The following SOS1 variants were observed in gnomAD, a reference collection of about 807,000 sequenced individuals.
The protein encoded by SOS1 is son of sevenless homolog 1.
SOS1 carries 25 observed loss-of-function variants against 157.6 expected under a neutral mutation model. That is an observed-to-expected ratio of 0.16 (90% CI 0.12 to 0.22). The LOEUF is 0.22. Among genes scored for constraint, SOS1 ranks in the 10% least tolerant of loss-of-function variants. The pLI, the probability that SOS1 is intolerant of heterozygous loss-of-function variation, is 1.00. For missense variants in SOS1, 1,237 were observed against 1,599.1 expected, an observed-to-expected ratio of 0.77 and a Z score of 3.86; for synonymous variants, 528 against 534.0, an observed-to-expected ratio of 0.99 and a Z score of 0.16.
intron 20 of SOS1, chr2:38,992,896 T>G (rs1668775704): frequency 6.6e-6 from 1 of 152,236 alleles, no homozygotes; most frequent in Middle Eastern, 3.4e-3. Flanking sequence ...TTTTACTTGG[T>G]GTCTATTTGA....
In SOS1 at chr2:39,082,932, T is replaced by C. The variant is rs113923436; in HGVS notation, c.88-15179A>G. Reference sequence around the variant, plus strand: ...TATAAAGAAGAGGAAATGTTATATGTGGTCTTGATAGAAAGTTTATCGGTA... The same window carrying C: ...TATAAAGAAGAGGAAATGTTATATGCGGTCTTGATAGAAAGTTTATCGGTA... On this transcript the variant is annotated intron_variant, in intron 1 of 22. Transcript: ENST00000402219. 8.9e-3 allele frequency among the ~76,000 whole-genome samples: 1,361 copies of C among 152,264 alleles called. 20 individuals are homozygous for C. The highest frequency in any genetic ancestry group is 0.031 in the African/African-American group (1,306 of 41,552).
At chr2:39,103,526 G>C (rs1002808956) in intron 1 of SOS1, among the ~76,000 whole-genome samples, 1 of 152,186 alleles carries the variant, frequency 6.6e-6, no homozygotes, top group African/African-American at 2.4e-5. Context: ...TTTGTGCCAA[G>C]TCCATTCAAT....
At chr2:39,047,127 T>G (rs1670819220) in intron 6 of SOS1, among the ~76,000 whole-genome samples, 1 of 152,206 alleles carries the variant, frequency 6.6e-6, no homozygotes, top group South Asian at 2.1e-4. Context: ...AGTCAACCAC[T>G]ACTCTAATAA....
chr2:39,038,108 A>G (rs1029670033), intron 6 of SOS1, among the ~76,000 whole-genome samples: 1 of 152,226 alleles, frequency 6.6e-6, no homozygotes, highest in African/African-American at 2.4e-5. Flanking sequence ...TAAGGCTGTA[A>G]CTGACATAGA....
In SOS1 at chr2:39,060,747, G is replaced by T. The variant is rs1011105747; in HGVS notation, c.214-1943C>A. ...GCCTGTTTTATTTTTTAAAATGAGG[G>T]TTGGGCAATGCACTAAAGTAATTTT... On this transcript the variant is annotated intron_variant, in intron 2 of 22. Transcript: ENST00000402219. 2.6e-5 allele frequency among the ~76,000 whole-genome samples: 4 copies of T among 152,230 alleles called. No individual in the cohort carries two copies. In the South Asian group the frequency reaches 6.2e-4, roughly 24 times the overall value.
At chr2:39,010,098 T>C (rs1341820163) in intron 15 of SOS1, among the ~76,000 whole-genome samples, 1 of 151,926 alleles carries the variant, frequency 6.6e-6, no homozygotes, top group Non-Finnish European at 1.5e-5. Flanking sequence ...GGTGGATCAC[T>C]TGAGGTCAGG....
chr2:39,078,605 T>C (rs1274299201), intron 1 of SOS1, among the ~76,000 whole-genome samples: 1 of 152,206 alleles, frequency 6.6e-6, no homozygotes, highest in African/African-American at 2.4e-5. Flanking sequence ...CTCATTGTCA[T>C]GGGACCGTGA....
In SOS1 at chr2:39,010,574, G is replaced by A. The variant is rs1669434907; in HGVS notation, c.2510+10C>T. 8.1e-6 allele frequency: 13 copies of A among 1,606,830 alleles called. No homozygotes were observed. The highest frequency in any genetic ancestry group is 1.1e-5 in the Non-Finnish European group (13 of 1,173,582). ...CAGCTATAAAATATAAGAATGCTAG[G>A]AATACTTACTTCTCAAACCACAGAG... is the stretch of plus-strand genomic sequence containing the variant. On this transcript the variant is annotated intron_variant, in intron 15 of 22. Coordinates refer to ENST00000402219, the MANE Select transcript of SOS1 (RefSeq NM_005633.4).
intron 22 of SOS1, 43 bp downstream of exon 22, chr2:38,987,430 T>C: frequency 1.0e-6 from 1 of 989,772 alleles, no homozygotes; most frequent in Non-Finnish European, 1.6e-6. Flanking sequence ...TATAATGAAC[T>C]GTAATGATTC....
intron 1 of SOS1, among the ~76,000 whole-genome samples, chr2:39,095,493 G>A (rs184956907): frequency 6.6e-6 from 1 of 152,294 alleles, no homozygotes; most frequent in African/African-American, 2.4e-5. Context: ...TAACAGCCAG[G>A]CAAAATGTGG....
rs772192737 is a variant in SOS1 at position 38,982,348 on chromosome 2, AG to A, written c.*3475del. On this transcript the variant is annotated 3_prime_UTR_variant, in exon 23 of 23. Transcript: ENST00000402219. Reference sequence around the variant, plus strand: ...AAAATATTTCATTGGCTCATGTATAAGGGATTATGAAATAATCTTAAAAGTT... The same window carrying A: ...AAAATATTTCATTGGCTCATGTATAAGGATTATGAAATAATCTTAAAAGTT... 2.0e-5 allele frequency: 3 copies of A among 152,204 alleles called. No homozygotes were observed. The highest frequency in any genetic ancestry group is 4.4e-5 in the Non-Finnish European group (3 of 68,032). 9.4% of individuals were successfully genotyped at this position (152,204 alleles called of 1,614,324 possible).
chr2:39,010,607 G>A lies in SOS1; in HGVS notation c.2487C>T (p.Thr829=), dbSNP rs1432228345. 1 of 1,610,104 alleles carries A rather than the reference G, an allele frequency of 6.2e-7. No individual in the cohort carries two copies. The highest frequency in any genetic ancestry group is 8.5e-7 in the Non-Finnish European group (1 of 1,176,394). ...PNLLKMIRHT[T]NLTLWFEKCI... ...ACTTCTCAAACCACAGAGTGAGGTT[G>A]GTGGTATGTCGAATCATTTTCAGAA... The change falls in exon 15 of 23, where the codon ACC becomes ACT. Residue 829 remains threonine (T), a synonymous_variant. Transcript: ENST00000402219.
chr2:39,082,384 G>C (rs985714594), intron 1 of SOS1, among the ~76,000 whole-genome samples: 4 of 152,102 alleles, frequency 2.6e-5, no homozygotes, highest in African/African-American at 7.2e-5. Context: ...TACATCACTT[G>C]CTCTATTGTT....
intron 1 of SOS1, among the ~76,000 whole-genome samples, chr2:39,094,365 G>T (rs1384807425): frequency 6.6e-6 from 1 of 152,094 alleles, no homozygotes; most frequent in African/African-American, 2.4e-5. Flanking sequence ...AGTGTGAAGG[G>T]GGCCGGGTGC....
upstream of SOS1, chr2:39,124,048 G>A (rs959603277): frequency 6.6e-6 from 1 of 152,366 alleles, no homozygotes; most frequent in African/African-American, 2.4e-5. Flanking sequence ...GGTAACTGGA[G>A]AGAAACTGCA....
At chr2:39,021,851 A>C (rs1370422065) in intron 10 of SOS1, among the ~76,000 whole-genome samples, 1 of 151,862 alleles carries the variant, frequency 6.6e-6, no homozygotes, top group African/African-American at 2.4e-5. Flanking sequence ...TAAAGAACAT[A>C]GAAAAGGTTG....
At chr2:38,997,154 G>T in intron 18 of SOS1, 99 bp downstream of exon 18, 2 of 1,117,928 alleles carry the variant, frequency 1.8e-6, no homozygotes, top group Non-Finnish European at 2.6e-6. Context: ...TTCTTTTAAG[G>T]TTTATTTTAC....
intron 10 of SOS1, among the ~76,000 whole-genome samples, chr2:39,021,054 A>C (rs1669778370): frequency 6.6e-6 from 1 of 151,736 alleles, no homozygotes; most frequent in South Asian, 2.1e-4. Flanking sequence ...TTGAAATTTA[A>C]GTGTTTTATA....
intron 10 of SOS1, among the ~76,000 whole-genome samples, chr2:39,022,220 A>C (rs1394104283): frequency 1.3e-5 from 2 of 151,814 alleles, no homozygotes; most frequent in African/African-American, 4.8e-5. Flanking sequence ...TCAGAAATGG[A>C]AAAAGAAGAA....
Sources: allele counts gnomAD v4.1 joint callset (sites outside exome capture counted in the v4.1 genomes callset), GRCh38; gene constraint gnomAD v4.1.1; transcripts MANE v1.5; gene names NCBI Gene and HGNC (gene_info 2026-07-23, HGNC 2026-07-21).